RAPGEF4: variants seen among roughly 807,000 people sequenced by gnomAD.
The protein encoded by RAPGEF4 is RAP guanine-nucleotide-exchange factor (GEF) 4.
A neutral mutation model predicts 147.9 loss-of-function variants in RAPGEF4; 66 were observed. That is an observed-to-expected ratio of 0.45 (90% CI 0.37 to 0.55). RAPGEF4 has a LOEUF of 0.55. Ranked by LOEUF, RAPGEF4 falls within the 20% of genes least tolerant of loss-of-function variation. The pLI is 0.00. For missense variants in RAPGEF4, 1,071 were observed against 1,257.3 expected (o/e 0.85, Z 2.24); for synonymous variants, 419 against 442.7 (o/e 0.95, Z 0.67).
intron 4 of RAPGEF4, among the ~76,000 whole-genome samples, chr2:172,825,322 C>T (rs1440554743): frequency 6.6e-6 from 1 of 152,124 alleles, no homozygotes; most frequent in Non-Finnish European, 1.5e-5. Flanking sequence ...AAAGTGAAAA[C>T]CAGAATGGTT....
intron 5 of RAPGEF4, 49 bp from the exon 6 acceptor site, chr2:172,922,232 G>C: frequency 6.3e-7 from 1 of 1,575,938 alleles, no homozygotes; most frequent in East Asian, 2.2e-5. Context: ...CACTTTACCG[G>C]TTGATTATAC....
chr2:172,962,774 A>T (rs571702876), intron 8 of RAPGEF4, among the ~76,000 whole-genome samples: 1 of 152,090 alleles, frequency 6.6e-6, no homozygotes, highest in Admixed American at 6.5e-5. Context: ...CTTAGGACAG[A>T]TTGATTACTT....
In RAPGEF4 at chr2:173,048,607, T is replaced by C. The variant is rs760152592; in HGVS notation, c.2861T>C (p.Ile954Thr). The change falls in exon 30 of 31, where the codon ATT (isoleucine) becomes ACT (threonine). Residue 954 changes from isoleucine to threonine, a missense_variant. Transcript: ENST00000397081. ...TTTCTATATTCCTTTTAGCGCATGA[T>C]TGCAAATACGGCCAGAACAGTGAGA... Reference protein sequence around the residue: ...NLVNFEKMRMIANTARTVRYY... With the variant: ...NLVNFEKMRMTANTARTVRYY... 1.2e-6 allele frequency: 2 copies of C among 1,614,142 alleles called. No individual in the cohort carries two copies. Among genetic ancestry groups the C allele is most frequent in the Non-Finnish European group, 1.7e-6 (2 of 1,180,020 alleles).
chr2:172,988,206 G>A lies in RAPGEF4; in HGVS notation c.1161G>A (p.Gln387=), dbSNP rs756495595. 5 of 1,608,232 alleles carry A rather than the reference G, an allele frequency of 3.1e-6. No individual in the cohort carries two copies. In the South Asian group the frequency reaches 4.5e-5, roughly 14 times the overall value. Residue 387 remains glutamine, a synonymous_variant, in exon 13 of 31, where the codon CAG becomes CAA. Coordinates refer to ENST00000397081, the MANE Select transcript of RAPGEF4 (RefSeq NM_007023.4). The part of the protein sequence containing the change: ...HAKGGTVLFN[Q]GEEGTSWYII... ...TCTTTTTGTGTCTAGTGTTTAACCA[G>A]GGGGAAGAAGGTACCTCCTGGTACA...
chr2:172,876,592 A>G (rs1695954617), intron 4 of RAPGEF4, among the ~76,000 whole-genome samples: 2 of 152,146 alleles, frequency 1.3e-5, no homozygotes. Context: ...CATCCCAGGG[A>G]TGAAGCCCAC....
chr2:173,035,017 T>A (rs575132289), intron 27 of RAPGEF4, among the ~76,000 whole-genome samples: 2 of 151,892 alleles, frequency 1.3e-5, no homozygotes, highest in East Asian at 3.9e-4. Context: ...CACTAACACC[T>A]CCACCCCCAT....
chr2:172,946,195 A>G (rs1346021593), intron 6 of RAPGEF4, among the ~76,000 whole-genome samples: 1 of 152,216 alleles, frequency 6.6e-6, no homozygotes, highest in African/African-American at 2.4e-5. Context: ...AAAAGGAAAG[A>G]TACAAAATTT....
intron 3 of RAPGEF4, among the ~76,000 whole-genome samples, chr2:172,807,337 C>T (rs965050890): frequency 2.6e-5 from 4 of 152,278 alleles, no homozygotes; most frequent in Non-Finnish European, 5.9e-5. Context: ...CCATTCTCAT[C>T]AAACCTTCCT....
At chr2:172,861,856 C>T (rs1257846785) in intron 4 of RAPGEF4, among the ~76,000 whole-genome samples, 4 of 152,206 alleles carry the variant, frequency 2.6e-5, no homozygotes, top group African/African-American at 9.7e-5. Context: ...GGGCCAGCAG[C>T]TGCACCCAGT....
chr2:173,007,971 C>G (rs542954654), intron 17 of RAPGEF4, among the ~76,000 whole-genome samples: 7 of 152,358 alleles, frequency 4.6e-5, no homozygotes, highest in South Asian at 2.1e-4. Flanking sequence ...CGGTCTGGCT[C>G]TATGTCCCCA....
intron 17 of RAPGEF4, among the ~76,000 whole-genome samples, chr2:173,013,650 C>T (rs997228423): frequency 6.6e-6 from 1 of 152,134 alleles, no homozygotes; most frequent in Non-Finnish European, 1.5e-5. Flanking sequence ...TTACTCTTGG[C>T]ACATAGGAGA....
intron 8 of RAPGEF4, among the ~76,000 whole-genome samples, chr2:172,962,531 C>G (rs550474770): frequency 3.9e-5 from 6 of 152,086 alleles, no homozygotes; most frequent in Middle Eastern, 3.4e-3. Flanking sequence ...TACTCAAGGA[C>G]AGAGATAGAA....
intron 6 of RAPGEF4, among the ~76,000 whole-genome samples, chr2:172,956,496 A>G (rs1688748601): frequency 4.8e-5 from 7 of 145,166 alleles, no homozygotes; most frequent in Non-Finnish European, 4.5e-5. Flanking sequence ...TTGAGATGGA[A>G]TCTCACTCTG....
intron 6 of RAPGEF4, among the ~76,000 whole-genome samples, chr2:172,926,427 T>C (rs1488668911): frequency 6.6e-6 from 1 of 152,196 alleles, no homozygotes; most frequent in Non-Finnish European, 1.5e-5. Flanking sequence ...TAGAAGGTAA[T>C]ACTTTACTTT....
intron 8 of RAPGEF4, 95 bp from the exon 9 acceptor site, chr2:172,965,467 A>T: frequency 7.3e-7 from 1 of 1,378,448 alleles, no homozygotes; most frequent in Non-Finnish European, 1.0e-6. Flanking sequence ...GGAGATCATT[A>T]AGCCCTTTGG....
chr2:172,839,051 G>C (rs901228011), intron 4 of RAPGEF4, among the ~76,000 whole-genome samples: 2 of 147,280 alleles, frequency 1.4e-5, no homozygotes, highest in African/African-American at 5.0e-5. Context: ...TCCCCTAAAA[G>C]ATCAGCAACA....
In RAPGEF4 at chr2:172,797,542, A is replaced by G. The variant is rs1040371912; in HGVS notation, c.226A>G (p.Ile76Val). 4.3e-6 allele frequency: 7 copies of G among 1,613,358 alleles called. No individual in the cohort carries two copies. In the Admixed American group the frequency reaches 8.3e-5, roughly 19 times the overall value. ...KGITLFRQGD[I>V]GTNWYAVLAG... is the part of the protein sequence containing the mutation. ...TTTCCCAGTATTTCGCCAGGGTGAT[A>G]TTGGAACAAACTGGTATGCTGTCCT... is the stretch of plus-strand genomic sequence containing the variant. Residue 76 changes from isoleucine (I) to valine (V), a missense_variant, in exon 3 of 31, where the codon ATT becomes GTT. By Grantham distance (29) the Ile-to-Val change is conservative. Transcript: ENST00000397081.
At chr2:172,873,519 A>G (rs997478582) in intron 4 of RAPGEF4, among the ~76,000 whole-genome samples, 2 of 152,164 alleles carry the variant, frequency 1.3e-5, no homozygotes, top group East Asian at 1.9e-4. Flanking sequence ...TAATTCAACA[A>G]TAACTCATAA....
chr2:172,740,963 C>T (rs1021454873), intron 1 of RAPGEF4, among the ~76,000 whole-genome samples: 1 of 152,214 alleles, frequency 6.6e-6, no homozygotes, highest in Non-Finnish European at 1.5e-5. Context: ...CTAAGTAAGC[C>T]ATATGGGAAA....
Sources: gnomAD v4.1 joint callset for allele counts (sites outside exome capture counted in the v4.1 genomes callset) on GRCh38, gnomAD v4.1.1 for gene constraint, MANE v1.5 for transcripts, NCBI Gene and HGNC (gene_info 2026-07-23, HGNC 2026-07-21) for gene names.